The following FAM50A variants were observed in gnomAD, a reference collection of about 807,000 sequenced individuals.
FAM50A encodes the protein protein FAM50A.
Under a neutral mutation model 35.5 loss-of-function variants are expected in FAM50A, and 6 were observed. The ratio of observed to expected loss-of-function variants is 0.17; its 90% CI spans 0.09 to 0.33. The LOEUF (loss-of-function observed/expected upper bound fraction) is 0.33. Ranked by LOEUF, FAM50A falls within the 10% of genes least tolerant of loss-of-function variation. FAM50A has a pLI of 1.00. For synonymous variants in FAM50A, 120 were observed against 110.9 expected (o/e 1.08, Z -0.52); for missense variants, 145 against 295.5 (o/e 0.49, Z 3.73).
In FAM50A at chrX:154,450,072, C is replaced by T. The variant is rs1557200367; in HGVS notation, c.873C>T (p.Leu291=). 1 of 1,210,829 alleles carries T rather than the reference C, an allele frequency of 8.3e-7. No homozygotes were observed. Among genetic ancestry groups the T allele is most frequent in the Non-Finnish European group, 1.1e-6 (1 of 894,988 alleles). The change falls in exon 11 of 13, where the codon CTC becomes CTT. Residue 291 remains leucine, a synonymous_variant. Coordinates refer to ENST00000393600, the MANE Select transcript of FAM50A (RefSeq NM_004699.4). ...NFDVHDDVRL[L]SDATVEKDES... is the part of the protein sequence containing the mutation. ...ATGTTCATGACGATGTGCGGTTGCTCAGTGACGCCACTGTGGAGAAGGATG... is the reference window on the plus strand; with the variant it reads ...ATGTTCATGACGATGTGCGGTTGCTTAGTGACGCCACTGTGGAGAAGGATG...
At position 154,449,576 on chromosome X, in the gene FAM50A, G is replaced by T. The variant is rs1161601851; in HGVS notation, c.726-105G>T. ...GAGCTTCCCTCACAGCCAACTGGCC[G>T]CTGCTTCCCAGCCCCAGCATGGGCT... On this transcript the variant is annotated intron_variant, in intron 8 of 12. Transcript: ENST00000393600. 5.7e-6 allele frequency: 4 copies of T among 702,985 alleles called. No homozygotes were observed. In the South Asian group the frequency reaches 1.0e-4, roughly 18 times the overall value. 57.9% of individuals were successfully genotyped at this position (702,985 alleles called of 1,213,427 possible). A position where few individuals can be genotyped will look rare whatever the true frequency, so the allele number is the denominator to read the frequency against.
At chrX:154,448,626 G>C in intron 5 of FAM50A, 64 bp from the exon 6 acceptor site, 1 of 1,184,771 alleles carries the variant, frequency 8.4e-7, no homozygotes, top group Non-Finnish European at 1.1e-6. Context: ...TGCTTAGGGA[G>C]CCAGGCTCTG....
In FAM50A at chrX:154,444,229, C is replaced by T. The variant is rs1484121938; in HGVS notation, c.-7C>T. On this transcript the variant is annotated 5_prime_UTR_variant, in exon 1 of 13. Transcript: ENST00000393600. The stretch of plus-strand genomic sequence containing the variant: ...CCGCCGCCGCCGCCGCCGCCGCCGC[C>T]GCTGCCATGGCTCAATACAAGGGCG... 1.0e-4 allele frequency: 90 copies of T among 867,595 alleles called. No homozygotes were observed. The highest frequency in any genetic ancestry group is 3.8e-4 in the Admixed American group (6 of 15,626). 71.5% of individuals were successfully genotyped at this position (867,595 alleles called of 1,213,427 possible). A position where few individuals can be genotyped will look rare whatever the true frequency, so the allele number is the denominator to read the frequency against.
rs1388858855 is a variant in FAM50A at position 154,448,543 on chromosome X, C to T, written c.502C>T (p.Pro168Ser). Residue 168 changes from proline (P) to serine (S), a missense_variant, in exon 5 of 13, where the codon CCT becomes TCT. Physicochemically the swap from Pro to Ser is moderately conservative, Grantham distance 74. Coordinates refer to ENST00000393600, the MANE Select transcript of FAM50A (RefSeq NM_004699.4). ...KNPDVDTSFL[P>S]DRDREEEENR... The stretch of plus-strand genomic sequence containing the variant: ...CCCAGACGTTGACACAAGCTTCTTG[C>T]CTGATCGAGACCGTGAGGTAAAGGC... The T allele has an allele frequency of 8.3e-7, 1 of 1,206,817 alleles. No homozygotes were observed. Among genetic ancestry groups the T allele is most frequent in the Non-Finnish European group, 1.1e-6 (1 of 893,242 alleles).
chrX:154,447,298 G>T (rs2068786136), intron 4 of FAM50A, among the ~76,000 whole-genome samples: 1 of 111,915 alleles, frequency 8.9e-6, no homozygotes, highest in Non-Finnish European at 1.9e-5. Flanking sequence ...CCTGGAGGGT[G>T]TGGTGGCAGT....
chrX:154,449,174 T>C, intron 7 of FAM50A, 47 bp from the exon 8 acceptor site: 1 of 1,110,973 alleles, frequency 9.0e-7, no homozygotes, highest in Admixed American at 2.2e-5. Flanking sequence ...AGAGCCCTTC[T>C]GCAGGCTTCC....
At position 154,450,535 on chromosome X, in the gene FAM50A, C is replaced by T. The variant is rs955586527; in HGVS notation, c.*103C>T. On this transcript the variant is annotated 3_prime_UTR_variant, in exon 13 of 13. Coordinates refer to ENST00000393600, the MANE Select transcript of FAM50A (RefSeq NM_004699.4). ...CGCTCCCCTGCGACCATGCCAGGCA[C>T]GCTGGGAGGAGGACGGCAGCTGCTC... 5.5e-5 allele frequency: 48 copies of T among 872,510 alleles called. No homozygotes were observed. Among genetic ancestry groups the T allele is most frequent in the South Asian group, 2.9e-4 (13 of 44,304 alleles). 71.9% of individuals were successfully genotyped at this position (872,510 alleles called of 1,213,427 possible).
rs2068782727 is a variant in FAM50A at position 154,446,397 on chromosome X, C to T, written c.297-18C>T. ...GGGAAGGACATGATGTGTGATGGGG[C>T]CACCTGCACCTCACTAGGAAGCTGG... On this transcript the variant is annotated intron_variant, in intron 3 of 12. Coordinates refer to ENST00000393600, the MANE Select transcript of FAM50A (RefSeq NM_004699.4). 7 of 1,204,485 alleles carry T rather than the reference C, an allele frequency of 5.8e-6. No individual in the cohort carries two copies. The highest frequency in any genetic ancestry group is 7.9e-6 in the Non-Finnish European group (7 of 888,975).
chrX:154,448,475 T>A lies in FAM50A; in HGVS notation c.443-9T>A. On this transcript the variant is annotated splice_polypyrimidine_tract_variant and intron_variant, in intron 4 of 12. Coordinates refer to ENST00000393600, the MANE Select transcript of FAM50A (RefSeq NM_004699.4). ...TAATGCTATGATATTCGGCTTCCTT[T>A]TGTTCCAGAGATCACCACGAAGAAG... 8.3e-7 allele frequency: 1 copy of A among 1,202,513 alleles called. No individual in the cohort carries two copies.
At chrX:154,449,062 A>G in intron 7 of FAM50A, 108 bp downstream of exon 7, 1 of 928,015 alleles carries the variant, frequency 1.1e-6, no homozygotes, top group Non-Finnish European at 1.5e-6. Context: ...GATCCTGAGG[A>G]TAACTGGCTC....
intron 1 of FAM50A, 192 bp downstream of exon 1, chrX:154,444,538 C>T (rs2068774204): frequency 4.5e-6 from 1 of 223,152 alleles, no homozygotes; most frequent in African/African-American, 2.9e-5. Flanking sequence ...GTGAAATGGG[C>T]CTGGAGCCGG....
At chrX:154,445,560 G>A (rs2068779067) in intron 1 of FAM50A, 73 bp from the exon 2 acceptor site, 3 of 822,255 alleles carry the variant, frequency 3.6e-6, no homozygotes, top group South Asian at 2.1e-5. Context: ...GGACTATAAC[G>A]CAGGTCCTTG....
Position 154,450,523 on chromosome X carries a change from C to G in FAM50A, c.*91C>G, listed in dbSNP as rs2068801692. On this transcript the variant is annotated 3_prime_UTR_variant, in exon 13 of 13. Transcript: ENST00000393600. ...ACTCCAGGCACCCGCTCCCCTGCGA[C>G]CATGCCAGGCACGCTGGGAGGAGGA... 1 of 964,395 alleles carries G rather than the reference C, an allele frequency of 1.0e-6. No individual in the cohort carries two copies. The highest frequency in any genetic ancestry group is 1.5e-6 in the Non-Finnish European group (1 of 686,870). The allele number at this position is 964,395 out of a possible 1,213,427, so 79.5% of individuals were successfully genotyped here. A position where few individuals can be genotyped will look rare whatever the true frequency, so the allele number is the denominator to read the frequency against.
At chrX:154,449,060 G>A in intron 7 of FAM50A, 106 bp downstream of exon 7, 1 of 936,262 alleles carries the variant, frequency 1.1e-6, no homozygotes, top group Non-Finnish European at 1.5e-6. Flanking sequence ...GGGATCCTGA[G>A]GATAACTGGC....
At chrX:154,447,901 G>A (rs1394703681) in intron 4 of FAM50A, among the ~76,000 whole-genome samples, 1 of 110,780 alleles carries the variant, frequency 9.0e-6, no homozygotes, top group African/African-American at 3.3e-5. Flanking sequence ...CCCTCACTGT[G>A]TGTCACTGGG....
At chrX:154,446,983 C>T (rs2068785029) in intron 4 of FAM50A, among the ~76,000 whole-genome samples, 1 of 112,464 alleles carries the variant, frequency 8.9e-6, no homozygotes, top group Non-Finnish European at 1.9e-5. Flanking sequence ...CCAGCCTGGC[C>T]TCCACGTGTG....
intron 8 of FAM50A, among the ~76,000 whole-genome samples, 181 bp downstream of exon 8, chrX:154,449,478 G>C (rs1412988233): frequency 2.7e-5 from 3 of 112,455 alleles, no homozygotes; most frequent in Non-Finnish European, 5.6e-5. Flanking sequence ...GCTTTGCTGA[G>C]AGCGGCCTGC....
chrX:154,444,964 T>G (rs193054831), intron 1 of FAM50A: 1 of 112,114 alleles, frequency 8.9e-6, no homozygotes, highest in South Asian at 3.7e-4. Context: ...AGCTTGATCC[T>G]TTTGGGGAGA....
At chrX:154,449,349 G>C (rs1557200228) in intron 8 of FAM50A, 52 bp downstream of exon 8, 4 of 1,027,159 alleles carry the variant, frequency 3.9e-6, no homozygotes, top group African/African-American at 1.8e-5. Flanking sequence ...TGTGGCTCCA[G>C]CCTGGGTGCC....
Sources: gnomAD v4.1 joint callset for allele counts (sites outside exome capture counted in the v4.1 genomes callset) on GRCh38, gnomAD v4.1.1 for gene constraint, MANE v1.5 for transcripts, NCBI Gene and HGNC (gene_info 2026-07-23, HGNC 2026-07-21) for gene names.